The following PLEC variants were observed in gnomAD, a reference collection of about 807,000 sequenced individuals.
PLEC encodes plectin.
A neutral mutation model predicts 392.8 loss-of-function variants in PLEC; 216 were observed. The ratio of observed to expected loss-of-function variants is 0.55; its 90% CI spans 0.49 to 0.62. The LOEUF is 0.62. Ranked by LOEUF, PLEC falls within the 20% of genes least tolerant of loss-of-function variation. PLEC has a pLI of 0.00. For missense variants in PLEC, 6,863 were observed against 6,563.4 expected, an observed-to-expected ratio of 1.05 and a Z score of -1.58; for synonymous variants, 3,621 against 2,980.6, an observed-to-expected ratio of 1.21 and a Z score of -7.00.
intron 5 of PLEC, among the ~76,000 whole-genome samples, chr8:143,936,478 G>A (rs1322491578): frequency 6.6e-6 from 1 of 152,156 alleles, no homozygotes; most frequent in Non-Finnish European, 1.5e-5. Flanking sequence ...GCTGGCAGGT[G>A]GGGCCTCTGG....
chr8:143,922,878 C>A lies in PLEC; in HGVS notation c.7051G>T (p.Glu2351Ter). Residue 2351 changes from glutamate (E) to a stop codon, truncating the protein, a stop_gained, in exon 31 of 32, where the codon GAG becomes TAG. Transcript: ENST00000345136. LOFTEE classifies it high-confidence loss of function. Reference protein sequence around the residue: ...EQARRLQEDKEQMAQQLAEET... With the variant: ...EQARRLQEDK ...TCCGCCAGCTGCTGCGCCATCTGCT[C>A]CTTGTCCTCCTGCAGCCGCCGCGCC... 1 of 1,582,672 alleles carries A rather than the reference C, an allele frequency of 6.3e-7. No homozygotes were observed. The highest frequency in any genetic ancestry group is 8.6e-7 in the Non-Finnish European group (1 of 1,165,350).
chr8:143,953,692 GC>G (rs1564216389), upstream of PLEC: 7 of 1,600,720 alleles, frequency 4.4e-6, no homozygotes, highest in Non-Finnish European at 6.0e-6. Context: ...TGTGGTCCGC[GC>G]CCCCCGGCTC....
exon 1 of PLEC, chr8:143,950,184 C>T: frequency 6.6e-7 from 1 of 1,517,130 alleles, no homozygotes; most frequent in Non-Finnish European, 8.9e-7. Context: ...TGCAGCTGAC[C>T]TGTGGCTGGG....
In PLEC at chr8:143,919,237, C is replaced by T. The variant is rs781788986; in HGVS notation, c.10584G>A (p.Glu3528=). Reference sequence around the variant, plus strand: ...CCGTCTCGGGGTCCTCCACGCACCGCTCCAGCAGCTGCCTGTACGTGAGGT... The same window carrying T: ...CCGTCTCGGGGTCCTCCACGCACCGTTCCAGCAGCTGCCTGTACGTGAGGT... ...HENLTYRQLL[E]RCVEDPETGL... Residue 3528 remains glutamate (E), a synonymous_variant, in exon 32 of 32, where the codon GAG becomes GAA. Transcript: ENST00000345136. 4 of 1,613,938 alleles carry T rather than the reference C, an allele frequency of 2.5e-6. No individual in the cohort carries two copies. The highest frequency in any genetic ancestry group is 1.1e-5 in the South Asian group (1 of 91,076).
chr8:143,936,929 AC>A, intron 5 of PLEC, 49 bp downstream of exon 5: 2 of 1,410,358 alleles, frequency 1.4e-6, no homozygotes, highest in Non-Finnish European at 2.0e-6. Context: ...AGCCCAGGCT[AC>A]CCTGGAAACT....
rs781953314 is a variant in PLEC at position 143,916,465 on chromosome 8, G to T, written c.13356C>A (p.Arg4452=). The T allele has an allele frequency of 1.2e-6, 2 of 1,610,898 alleles. No homozygotes were observed. Among genetic ancestry groups the T allele is most frequent in the Non-Finnish European group, 1.7e-6 (2 of 1,179,204 alleles). ...LKISYKDALD[R]SMVEEGTGLR... is the part of the protein sequence containing the mutation. ...GCCCCGTGCCCTCCTCCACCATGCTGCGGTCCAGCGCGTCCTTATAGGAGA... is the reference window on the plus strand; with the variant it reads ...GCCCCGTGCCCTCCTCCACCATGCTTCGGTCCAGCGCGTCCTTATAGGAGA... Residue 4452 remains arginine, a synonymous_variant, in exon 32 of 32, where the codon CGC becomes CGA. Transcript: ENST00000345136.
rs1554743558 is a variant in PLEC at position 143,969,723 on chromosome 8, G to C, written c.70+3680C>G. Reference sequence around the variant, plus strand: ...GCATGAGTGCAGGCCGGGGAGTGGGGAGTGGGGCCAGCCGGGGGCCTGGGC... The same window carrying C: ...GCATGAGTGCAGGCCGGGGAGTGGGCAGTGGGGCCAGCCGGGGGCCTGGGC... On this transcript the variant is annotated intron_variant, in intron 1 of 31. Transcript: ENST00000356346. This position sits in a 1 kb window ranked among gnomAD's most constrained non-coding sequence, Gnocchi z 5.1. Among the ~76,000 whole-genome samples, 1 of 152,086 alleles carries C rather than the reference G, an allele frequency of 6.6e-6. No homozygotes were observed. Among genetic ancestry groups the C allele is most frequent in the Non-Finnish European group, 1.5e-5 (1 of 68,004 alleles).
chr8:143,948,407 C>T (rs1223703040), intron 1 of PLEC, among the ~76,000 whole-genome samples: 1 of 152,230 alleles, frequency 6.6e-6, no homozygotes, highest in African/African-American at 2.4e-5. Context: ...AGAACTGCCC[C>T]GGGCTGTATG....
Position 143,919,735 on chromosome 8 carries a change from C to T in PLEC, c.10086G>A (p.Leu3362=). ...TGGACACCTTCTCCTTGGTGTCCTC[C>T]AGGTAGATGCCGGCGAGGCAGCCAC... ...QGSGCLAGIY[L]EDTKEKVSIY... The change falls in exon 32 of 32, where the codon CTG becomes CTA. Residue 3362 remains leucine, a synonymous_variant. Coordinates refer to ENST00000345136, the MANE Select transcript of PLEC (RefSeq NM_201384.3). 6.2e-7 allele frequency: 1 copy of T among 1,608,760 alleles called. No homozygotes were observed. The highest frequency in any genetic ancestry group is 2.2e-5 in the East Asian group (1 of 44,786).
chr8:143,925,934 G>C (rs1825000552), intron 30 of PLEC, 50 bp from the exon 31 acceptor site: 2 of 1,519,562 alleles, frequency 1.3e-6, no homozygotes, highest in Non-Finnish European at 1.8e-6. Flanking sequence ...TGTGAACACG[G>C]GCAGGCGCTG....
Position 143,935,063 on chromosome 8 carries a change from A to G in PLEC, c.773T>C (p.Leu258Pro), listed in dbSNP as rs1554721836. The change falls in exon 8 of 32, where the codon CTG (leucine) becomes CCG (proline). Residue 258 changes from leucine to proline, a missense_variant. Transcript: ENST00000345136. ...CGGCACGCGGGGCATGGCGTCATAC[A>G]GCGACGAGACGTAGGTGATGATGGA... is the stretch of plus-strand genomic sequence containing the variant. ...EKSIITYVSS[L>P]YDAMPRVPDV... The G allele has an allele frequency of 6.2e-7, 1 of 1,612,852 alleles. No homozygotes were observed. Among genetic ancestry groups the G allele is most frequent in the African/African-American group, 1.3e-5 (1 of 75,034 alleles).
rs1208240740 is a variant in PLEC at position 143,921,994 on chromosome 8, C to T, written c.7827G>A (p.Leu2609=). The T allele has an allele frequency of 3.1e-6, 5 of 1,598,310 alleles. No homozygotes were observed. The highest frequency in any genetic ancestry group is 4.2e-6 in the Non-Finnish European group (5 of 1,179,692). ...AGGCAGTGACCTCCTCTGAGTGCGC[C>T]AGCGCGGCCCGGTGCTGCTCCTCCA... is the stretch of plus-strand genomic sequence containing the variant. ...QLLEEQHRAA[L]AHSEEVTASQ... The change falls in exon 32 of 32, where the codon CTG becomes CTA. Residue 2609 remains leucine, a synonymous_variant. Coordinates refer to ENST00000345136, the MANE Select transcript of PLEC (RefSeq NM_201384.3).
rs782397500 is a variant in PLEC at position 143,920,533 on chromosome 8, T to A, written c.9288A>T (p.Leu3096=). The change falls in exon 32 of 32, where the codon CTA becomes CTT. Residue 3096 remains leucine (L), a synonymous_variant. Coordinates refer to ENST00000345136, the MANE Select transcript of PLEC (RefSeq NM_201384.3). ...LVGPEFHEKL[L]SAEKAVTGYR... is the part of the protein sequence containing the mutation. ...ACCCTGTCACAGCCTTCTCGGCTGA[T>A]AGCAGCTTCTCATGAAACTCGGGGC... The A allele has an allele frequency of 6.2e-7, 1 of 1,611,428 alleles. No homozygotes were observed. The highest frequency in any genetic ancestry group is 8.5e-7 in the Non-Finnish European group (1 of 1,179,618).
rs782044314 is a variant in PLEC at position 143,920,841 on chromosome 8, G to A, written c.8980C>T (p.Arg2994Cys). The A allele has an allele frequency of 1.1e-5, 17 of 1,608,948 alleles. 1 individual carries two copies. Among genetic ancestry groups the A allele is most frequent in the Middle Eastern group, 1.6e-4 (1 of 6,084 alleles). The change falls in exon 32 of 32, where the codon CGC (arginine) becomes TGC (cysteine). Residue 2994 changes from arginine to cysteine, a missense_variant. Coordinates refer to ENST00000345136, the MANE Select transcript of PLEC (RefSeq NM_201384.3). ...AELLESRVID[R>C]ELYQQLQRGE... ...CGCTGCAGCTGCTGGTAGAGCTCGC[G>A]GTCGATGACCCTGCTCTCCAGCAGC...
chr8:143,917,924 A>C lies in PLEC; in HGVS notation c.11897T>G (p.Leu3966Arg). 1 of 1,613,010 alleles carries C rather than the reference A, an allele frequency of 6.2e-7. No homozygotes were observed. The highest frequency in any genetic ancestry group is 8.5e-7 in the Non-Finnish European group (1 of 1,179,970). Reference sequence around the variant, plus strand: ...ACCGGTGGCCGCCTGCGCCTCCAGGAGCTCAAAGGCTGTGCCGGGGCGGAT... The same window carrying C: ...ACCGGTGGCCGCCTGCGCCTCCAGGCGCTCAAAGGCTGTGCCGGGGCGGAT... The part of the protein sequence containing the change: ...GIIRPGTAFE[L>R]LEAQAATGYV... The change falls in exon 32 of 32, where the codon CTC becomes CGC. Residue 3966 changes from leucine to arginine, a missense_variant. Physicochemically the swap from Leu to Arg is moderately radical, Grantham distance 102 (BLOSUM62 -2). Transcript: ENST00000345136.
chr8:143,925,580 ATGCGCAGCCGGC>A lies in PLEC; in HGVS notation c.4337_4348del (p.Ser1446_Arg1449del), dbSNP rs2131497439. On this transcript the variant is annotated inframe_deletion, in exon 31 of 32. Transcript: ENST00000345136. ...GCGCACCACGCGGATCTCCTCCTCG[ATGCGCAGCCGGC>A]TGCGCTCAGCCGCCTCTGCCTGCCG... The A allele has an allele frequency of 6.3e-7, 1 of 1,578,926 alleles. No homozygotes were observed. Among genetic ancestry groups the A allele is most frequent in the Admixed American group, 1.7e-5 (1 of 57,500 alleles).
At chr8:143,953,720 C>A, upstream of PLEC, 1 of 1,611,268 alleles carries the variant, frequency 6.2e-7, no homozygotes, top group South Asian at 1.1e-5. Context: ...GGCCCCAGGA[C>A]CGCACCTTTG....
At chr8:143,954,969 T>C (rs1416279665), upstream of PLEC, among the ~76,000 whole-genome samples, 5 of 152,092 alleles carry the variant, frequency 3.3e-5, no homozygotes, top group Non-Finnish European at 7.4e-5. This position sits in a 1 kb window ranked among gnomAD's most constrained non-coding sequence, Gnocchi z 4.6. Flanking sequence ...GACGTGACCA[T>C]GATCCAGGAG....
In PLEC at chr8:143,973,501, C is replaced by T; in HGVS notation, c.-29G>A. The T allele has an allele frequency of 1.4e-6, 2 of 1,477,594 alleles. No homozygotes were observed. Among genetic ancestry groups the T allele is most frequent in the South Asian group, 1.3e-5 (1 of 77,738 alleles). The allele number at this position is 1,477,594 out of a possible 1,614,324, so 91.5% of individuals were successfully genotyped here. On this transcript the variant is annotated 5_prime_UTR_variant, in exon 1 of 32. Transcript: ENST00000356346. The surrounding 1 kb of genome is among the most constrained non-coding windows in gnomAD (Gnocchi z 5.6). ...GGCGGGCGCGGGGCGCGGGGTGCAG[C>T]GGAGCCTCCAGCACCCGGCGGCCAC... is the stretch of plus-strand genomic sequence containing the variant.
Sources: allele counts gnomAD v4.1 joint callset (sites outside exome capture counted in the v4.1 genomes callset), GRCh38; gene constraint gnomAD v4.1.1; non-coding constraint Gnocchi (gnomAD v3.1); transcripts MANE v1.5; gene names NCBI Gene and HGNC (gene_info 2026-07-23, HGNC 2026-07-21).